Variants in SCUBE1 observed in about 807,000 individuals in gnomAD.
SCUBE1 encodes the protein signal peptide, CUB and EGF-like domain-containing protein 1.
A neutral mutation model predicts 124.4 loss-of-function variants in SCUBE1; 59 were observed. That is an observed-to-expected ratio of 0.47 (90% confidence interval 0.38 to 0.59). SCUBE1 has a LOEUF of 0.59. Ranked by LOEUF, SCUBE1 falls within the 20% of genes least tolerant of loss-of-function variation. The pLI is 0.00. For missense variants in SCUBE1, 1,150 were observed against 1,371.2 expected, an observed-to-expected ratio of 0.84 and a Z score of 2.55; for synonymous variants, 545 against 550.9, an observed-to-expected ratio of 0.99 and a Z score of 0.15.
chr22:43,284,719 C>G (rs1186752722), intron 4 of SCUBE1, among the ~76,000 whole-genome samples: 1 of 152,252 alleles, frequency 6.6e-6, no homozygotes, highest in Non-Finnish European at 1.5e-5. Context: ...GCCTGGCACA[C>G]GCAAGCATGC....
At chr22:43,250,869 A>G (rs1219821650) in intron 6 of SCUBE1, among the ~76,000 whole-genome samples, 3 of 152,192 alleles carry the variant, frequency 2.0e-5, no homozygotes, top group African/African-American at 7.2e-5. Context: ...ACAGCCAGAA[A>G]TGCTACTGGG....
At chr22:43,230,074 G>A (rs1305573363) in intron 8 of SCUBE1, among the ~76,000 whole-genome samples, 1 of 152,216 alleles carries the variant, frequency 6.6e-6, no homozygotes, top group Non-Finnish European at 1.5e-5. Context: ...GCTCAAAGGC[G>A]AGTGTGCTCC....
At chr22:43,222,607 G>A in intron 12 of SCUBE1, 31 bp downstream of exon 12, 2 of 1,467,966 alleles carry the variant, frequency 1.4e-6, no homozygotes, top group East Asian at 2.4e-5. Context: ...TCACCCAGTG[G>A]CATGCAGCAT....
At chr22:43,306,859 G>A (rs761097815) in intron 3 of SCUBE1, among the ~76,000 whole-genome samples, 20 of 152,330 alleles carry the variant, frequency 1.3e-4, no homozygotes, top group Non-Finnish European at 2.2e-4. Context: ...AGCCAGGCAC[G>A]GAGAAGTGGA....
chr22:43,247,418 G>A (rs960543189), intron 6 of SCUBE1, among the ~76,000 whole-genome samples: 5 of 152,224 alleles, frequency 3.3e-5, no homozygotes, highest in African/African-American at 1.2e-4. Flanking sequence ...ATCACCGTGT[G>A]CTTGACTGGA....
In SCUBE1 at chr22:43,221,277, G is replaced by T. The variant is rs1287491382; in HGVS notation, c.1445C>A (p.Thr482Asn). Reference sequence around the variant, plus strand: ...GAAGCGGGCCTTCTGTTTGATGGGGGTGGTGGGGGCATCTGGGGAAAGCCA... The same window carrying T: ...GAAGCGGGCCTTCTGTTTGATGGGGTTGGTGGGGGCATCTGGGGAAAGCCA... ...LGPSCSDAPT[T>N]PIKQKARFKI... The change falls in exon 13 of 22, where the codon ACC becomes AAC. Residue 482 changes from threonine to asparagine, a missense_variant. Thr to Asn is a moderately conservative substitution (Grantham distance 65, BLOSUM62 0). Transcript: ENST00000360835. The T allele has an allele frequency of 6.2e-7, 1 of 1,609,692 alleles. No individual in the cohort carries two copies. The highest frequency in any genetic ancestry group is 1.3e-5 in the African/African-American group (1 of 74,914).
In SCUBE1 at chr22:43,210,810, G is replaced by A; in HGVS notation, c.2383+112C>T. The A allele has an allele frequency of 3.1e-6, 4 of 1,273,292 alleles. No homozygotes were observed. The highest frequency in any genetic ancestry group is 3.4e-6 in the Non-Finnish European group (3 of 894,314). 78.9% of individuals were successfully genotyped at this position (1,273,292 alleles called of 1,614,324 possible). On this transcript the variant is annotated intron_variant, in intron 18 of 21. Coordinates refer to ENST00000360835, the MANE Select transcript of SCUBE1 (RefSeq NM_173050.5). This position sits in a 1 kb window ranked among gnomAD's most constrained non-coding sequence, Gnocchi z 4.5. Reference sequence around the variant, plus strand: ...CGAGAGCAGACGGGACGGAGCGGGAGGAGTCCAGTGTCCTCGTGGAGCTCG... The same window carrying A: ...CGAGAGCAGACGGGACGGAGCGGGAAGAGTCCAGTGTCCTCGTGGAGCTCG...
At chr22:43,242,757 G>A (rs1411566709) in intron 6 of SCUBE1, among the ~76,000 whole-genome samples, 1 of 152,210 alleles carries the variant, frequency 6.6e-6, no homozygotes, top group Non-Finnish European at 1.5e-5. Flanking sequence ...TCCCCAGCCT[G>A]TAGACAAAAG....
At chr22:43,220,701 C>A in intron 13 of SCUBE1, 114 bp from the exon 14 acceptor site, 1 of 1,351,138 alleles carries the variant, frequency 7.4e-7, no homozygotes, top group South Asian at 1.4e-5. Flanking sequence ...GTGGTGCAGA[C>A]GGAAAAACTC....
At chr22:43,246,285 C>T (rs1241125653) in intron 6 of SCUBE1, among the ~76,000 whole-genome samples, 2 of 152,100 alleles carry the variant, frequency 1.3e-5, no homozygotes, top group Non-Finnish European at 2.9e-5. Flanking sequence ...GGGTGGGATC[C>T]CTGGGGCCCA....
intron 4 of SCUBE1, among the ~76,000 whole-genome samples, chr22:43,280,098 T>A (rs1440187279): frequency 6.6e-6 from 1 of 152,080 alleles, no homozygotes; most frequent in African/African-American, 2.4e-5. Flanking sequence ...TGCACAAGGC[T>A]TTCCCGGACC....
Position 43,255,393 on chromosome 22 carries a change from G to C in SCUBE1, c.727+2826C>G, listed in dbSNP as rs1319840334. On this transcript the variant is annotated intron_variant, in intron 6 of 21. Coordinates refer to ENST00000360835, the MANE Select transcript of SCUBE1 (RefSeq NM_173050.5). The surrounding 1 kb of genome is among the most constrained non-coding windows in gnomAD (Gnocchi z 4.7). ...TCACACCCACACACAGCACACACAC[G>C]CCCATGTCCACATGCCAGTGCGCAC... is the stretch of plus-strand genomic sequence containing the variant. 1 of 1,056,960 alleles carries C rather than the reference G, an allele frequency of 9.5e-7. No individual in the cohort carries two copies. The highest frequency in any genetic ancestry group is 1.6e-5 in the African/African-American group (1 of 63,646). The allele number at this position is 1,056,960 out of a possible 1,614,324, so 65.5% of individuals were successfully genotyped here.
chr22:43,291,004 T>C (rs1569015792), intron 4 of SCUBE1, 42 bp downstream of exon 4: 1 of 1,531,528 alleles, frequency 6.5e-7, no homozygotes, highest in African/African-American at 1.4e-5. Flanking sequence ...GGGCTGCCCA[T>C]CCTGGGGGGG....
chr22:43,243,711 C>T (rs528056562), intron 6 of SCUBE1, among the ~76,000 whole-genome samples: 8 of 152,322 alleles, frequency 5.3e-5, no homozygotes, highest in East Asian at 1.9e-4. Flanking sequence ...TGTGTGACCC[C>T]GGGCAAGTCC....
At chr22:43,215,370 G>A (rs1256936498) in intron 15 of SCUBE1, among the ~76,000 whole-genome samples, 8 of 152,216 alleles carry the variant, frequency 5.3e-5, no homozygotes, top group Non-Finnish European at 1.0e-4. Flanking sequence ...AGAGGTAAAC[G>A]GCCATGGCCA....
At chr22:43,251,347 C>A (rs1923439518) in intron 6 of SCUBE1, among the ~76,000 whole-genome samples, 1 of 152,186 alleles carries the variant, frequency 6.6e-6, no homozygotes, top group Non-Finnish European at 1.5e-5. Flanking sequence ...TCCTTCAGCC[C>A]AAGCAGAACC....
Position 43,255,778 on chromosome 22 carries a change from C to T in SCUBE1, c.727+2441G>A, listed in dbSNP as rs545587327. Among the ~76,000 whole-genome samples the T allele has an allele frequency of 1.1e-4, 17 of 150,872 alleles. No individual in the cohort carries two copies. Among genetic ancestry groups the T allele is most frequent in the African/African-American group, 2.2e-4 (9 of 41,094 alleles). On this transcript the variant is annotated intron_variant, in intron 6 of 21. Coordinates refer to ENST00000360835, the MANE Select transcript of SCUBE1 (RefSeq NM_173050.5). The surrounding 1 kb of genome is among the most constrained non-coding windows in gnomAD (Gnocchi z 4.7). ...GGGCAAAGCAGAGAGGCAGCGAGGG[C>T]GGGGGCGGGGGGACGTGCAGGAAAG...
chr22:43,198,614 G>A lies in SCUBE1; in HGVS notation c.*5383C>T, dbSNP rs531229312. ...CCCTTGGCCTGAATGATGTCGGCTC[G>A]GCATGGACACCTTGTGCATCTTTGG... is the stretch of plus-strand genomic sequence containing the variant. On this transcript the variant is annotated 3_prime_UTR_variant, in exon 22 of 22. Transcript: ENST00000360835. 2.6e-5 allele frequency: 12 copies of A among 456,694 alleles called. No individual in the cohort carries two copies. In the East Asian group the frequency reaches 5.6e-4, roughly 21 times the overall value. 28.3% of individuals were successfully genotyped at this position (456,694 alleles called of 1,614,324 possible). A position where few individuals can be genotyped will look rare whatever the true frequency, so the allele number is the denominator to read the frequency against.
In SCUBE1 at chr22:43,281,503, ACCTCCTCCT is replaced by A. The variant is rs200460133; in HGVS notation, c.484+9534_484+9542del. ...CTCCCTCTTTGGCCACCCTCCTGTC[ACCTCCTCCT>A]CAGCCACCCTCCTGTCACCTCCCTC... On this transcript the variant is annotated intron_variant, in intron 4 of 21. Coordinates refer to ENST00000360835, the MANE Select transcript of SCUBE1 (RefSeq NM_173050.5). 3.0e-4 allele frequency among the ~76,000 whole-genome samples: 11 copies of A among 36,866 alleles called. 1 individual carries two copies. The highest frequency in any genetic ancestry group is 2.9e-3 in the Admixed American group (8 of 2,776). The allele number at this position is 36,866 out of a possible 152,430, so 24.2% of individuals were successfully genotyped here. A position where few individuals can be genotyped will look rare whatever the true frequency, so the allele number is the denominator to read the frequency against.
Sources: gnomAD v4.1 joint callset for allele counts (sites outside exome capture counted in the v4.1 genomes callset) on GRCh38, gnomAD v4.1.1 for gene constraint, Gnocchi (gnomAD v3.1) non-coding constraint, MANE v1.5 for transcripts, NCBI Gene and HGNC (gene_info 2026-07-23, HGNC 2026-07-21) for gene names.